ENPP3: variants seen among roughly 807,000 people sequenced by gnomAD.
ENPP3 encodes the protein ectonucleotide pyrophosphatase/phosphodiesterase 3.
In ENPP3, 104 loss-of-function variants were observed where a neutral mutation model predicts 117.8. That is an observed-to-expected ratio of 0.88 (90% CI 0.75 to 1.04). ENPP3 has a LOEUF of 1.04. Ranked by LOEUF, ENPP3 falls within the 50% of genes least tolerant of loss-of-function variation. The probability of loss-of-function intolerance (pLI) is 0.00; values close to 1 mark genes in which losing one functional copy is unlikely to be tolerated. For missense variants in ENPP3, 1,026 were observed against 1,051.9 expected (o/e 0.98, Z 0.34); for synonymous variants, 380 against 349.9 (o/e 1.09, Z -0.96).
intron 24 of ENPP3, among the ~76,000 whole-genome samples, chr6:131,746,355 A>G (rs1780635698): frequency 6.6e-6 from 1 of 152,200 alleles, no homozygotes; most frequent in South Asian, 2.1e-4. Flanking sequence ...CCGAATGAAA[A>G]AAATTGTAGA....
At chr6:131,719,533 T>A (rs1390812484) in intron 16 of ENPP3, among the ~76,000 whole-genome samples, 1 of 152,176 alleles carries the variant, frequency 6.6e-6, no homozygotes, top group East Asian at 1.9e-4. Context: ...GAAAACGATC[T>A]CTGGAGAAAG....
At chr6:131,695,720 C>T (rs144635112) in intron 15 of ENPP3, among the ~76,000 whole-genome samples, 159 of 152,010 alleles carry the variant, frequency 1.0e-3, no homozygotes, top group African/African-American at 3.4e-3. Context: ...TTGAGATCAG[C>T]CTGGCCAACA....
intron 2 of ENPP3, 45 bp downstream of exon 2, chr6:131,641,575 C>T: frequency 1.7e-6 from 2 of 1,202,570 alleles, no homozygotes; most frequent in South Asian, 1.2e-5. Context: ...TATTTCTTCT[C>T]TCTTCTGGCC....
chr6:131,724,001 C>T (rs369158868), intron 18 of ENPP3, 39 bp from the exon 19 acceptor site: 4 of 1,510,466 alleles, frequency 2.6e-6, no homozygotes, highest in Non-Finnish European at 3.7e-6. Flanking sequence ...GTTGCTTTGA[C>T]TTATTTCCTC....
intron 11 of ENPP3, among the ~76,000 whole-genome samples, chr6:131,681,506 C>A (rs1203400537): frequency 1.4e-5 from 2 of 142,336 alleles, no homozygotes; most frequent in African/African-American, 3.0e-5. Context: ...TTCTTATTCA[C>A]TGGAAAAAAA....
chr6:131,694,759 G>A (rs1251697360), intron 15 of ENPP3, among the ~76,000 whole-genome samples: 3 of 151,582 alleles, frequency 2.0e-5, no homozygotes, highest in African/African-American at 4.9e-5. Context: ...GCTTGAACCC[G>A]GGAGGCGGAG....
chr6:131,659,623 A>G (rs1217411215), intron 6 of ENPP3, among the ~76,000 whole-genome samples: 1 of 152,144 alleles, frequency 6.6e-6, no homozygotes, highest in Admixed American at 6.5e-5. Context: ...TCCAGCCCCA[A>G]ATGCCATGGT....
intron 21 of ENPP3, among the ~76,000 whole-genome samples, chr6:131,734,274 T>G (rs1429796485): frequency 6.6e-6 from 1 of 152,026 alleles, no homozygotes; most frequent in African/African-American, 2.4e-5. Context: ...TTTAAGTTTT[T>G]GTTGTTGTTG....
chr6:131,681,000 T>C (rs1022665936), intron 11 of ENPP3, among the ~76,000 whole-genome samples: 1 of 151,460 alleles, frequency 6.6e-6, no homozygotes, highest in Non-Finnish European at 1.5e-5. Context: ...ATGGCAGCCA[T>C]ATGCCAGGGT....
chr6:131,732,441 C>T (rs1291111749), intron 20 of ENPP3, among the ~76,000 whole-genome samples: 2 of 152,110 alleles, frequency 1.3e-5, no homozygotes, highest in African/African-American at 4.8e-5. Flanking sequence ...AAGACGGAGT[C>T]TCTCTCCGTT....
At chr6:131,667,957 A>C (rs1176786257) in intron 6 of ENPP3, among the ~76,000 whole-genome samples, 8 of 152,074 alleles carry the variant, frequency 5.3e-5, no homozygotes, top group African/African-American at 9.7e-5. Context: ...TGCAGAGCTT[A>C]TTATTCTTTA....
chr6:131,737,569 A>G (rs1780425971), intron 22 of ENPP3, 137 bp downstream of exon 22: 1 of 557,082 alleles, frequency 1.8e-6, no homozygotes, highest in Non-Finnish European at 3.1e-6. Context: ...AAATATAGGT[A>G]TAGGAAGGAT....
At chr6:131,637,630 A>G (rs1353936235) in intron 1 of ENPP3, among the ~76,000 whole-genome samples, 168 bp downstream of exon 1, 1 of 152,224 alleles carries the variant, frequency 6.6e-6, no homozygotes, top group Non-Finnish European at 1.5e-5. Flanking sequence ...ATCTTAAATC[A>G]TATTTTACAC....
At position 131,671,338 on chromosome 6, in the gene ENPP3, G is replaced by T; in HGVS notation, c.642+11G>T. ...TACACCATTGTCACGGTAAGTGCTT[G>T]ACCCAGTGGTAAGACAGGCCAAAGA... On this transcript the variant is annotated intron_variant, in intron 7 of 24. Transcript: ENST00000357639. 1.9e-6 allele frequency: 3 copies of T among 1,549,820 alleles called. No individual in the cohort carries two copies. Among genetic ancestry groups the T allele is most frequent in the South Asian group, 2.2e-5 (2 of 89,388 alleles).
intron 24 of ENPP3, among the ~76,000 whole-genome samples, chr6:131,746,237 C>T (rs1055601791): frequency 1.3e-5 from 2 of 151,916 alleles, no homozygotes; most frequent in African/African-American, 4.8e-5. Context: ...ATATGTAACG[C>T]AAAATTTAAT....
chr6:131,671,873 TA>T (rs1240651002), intron 7 of ENPP3, among the ~76,000 whole-genome samples: 2 of 152,204 alleles, frequency 1.3e-5, no homozygotes, highest in Non-Finnish European at 2.9e-5. Flanking sequence ...TGAGCTCAAA[TA>T]AAAATTAAAT....
In ENPP3 at chr6:131,729,649, G is replaced by GGGT. The variant is rs965944105; in HGVS notation, c.1953+3465_1953+3467dup. 4.6e-5 allele frequency among the ~76,000 whole-genome samples: 7 copies of GGGT among 152,044 alleles called. No individual in the cohort carries two copies. The East Asian group carries it at 5.8e-4, about 13-fold the overall frequency. On this transcript the variant is annotated intron_variant, in intron 20 of 24. Transcript: ENST00000357639. The stretch of plus-strand genomic sequence containing the variant: ...TGAAGCTGTTTATGTGTTGGAGGCG[G>GGGT]GGTGGTGGTGGTGGTGGTTCACTAA...
chr6:131,721,915 G>A (rs2114530639), intron 17 of ENPP3, among the ~76,000 whole-genome samples: 1 of 152,210 alleles, frequency 6.6e-6, no homozygotes, highest in Admixed American at 6.5e-5. Flanking sequence ...TCAAGAGATG[G>A]AGTTTCAGTA....
intron 15 of ENPP3, among the ~76,000 whole-genome samples, chr6:131,697,541 A>G (rs1346686437): frequency 6.6e-6 from 1 of 151,908 alleles, no homozygotes; most frequent in African/African-American, 2.4e-5. Flanking sequence ...ACAACTCGTT[A>G]TACTGTAGAA....
Sources: allele counts gnomAD v4.1 joint callset (sites outside exome capture counted in the v4.1 genomes callset), GRCh38; gene constraint gnomAD v4.1.1; transcripts MANE v1.5; gene names NCBI Gene and HGNC (gene_info 2026-07-23, HGNC 2026-07-21).